KIN: variants seen among roughly 807,000 people sequenced by gnomAD.
The protein encoded by KIN is DNA/RNA-binding protein KIN17.
A neutral mutation model predicts 63.0 loss-of-function variants in KIN; 47 were observed. That is an observed-to-expected ratio of 0.75 (90% CI 0.59 to 0.95). The LOEUF (loss-of-function observed/expected upper bound fraction) is 0.95, where lower values mean the gene tolerates loss of function less well. Among genes scored for constraint, KIN ranks in the 40% least tolerant of loss-of-function variants. KIN has a pLI of 0.00. For synonymous variants in KIN, 160 were observed against 157.7 expected, an observed-to-expected ratio of 1.01 and a Z score of -0.11; for missense variants, 408 against 460.9, an observed-to-expected ratio of 0.89 and a Z score of 1.05.
At chr10:7,766,728 G>A (rs534485034) in intron 8 of KIN, among the ~76,000 whole-genome samples, 177 of 152,114 alleles carry the variant, frequency 1.2e-3, no homozygotes, top group Middle Eastern at 0.01. Flanking sequence ...TGGTTGATTC[G>A]AAACCTAATT....
chr10:7,780,175 G>A lies in KIN; in HGVS notation c.257C>T (p.Thr86Ile). 6.2e-7 allele frequency: 1 copy of A among 1,613,222 alleles called. No homozygotes were observed. The highest frequency in any genetic ancestry group is 8.5e-7 in the Non-Finnish European group (1 of 1,179,584). ...GACAATGTTGTTGTGGACCCTTTTA[G>A]TGCCTGAGAACAAAATATGACACTG... ...FLELLRRRFG[T>I]KRVHNNIVYN... Residue 86 changes from threonine to isoleucine, a missense_variant, in exon 4 of 13, where the codon ACT (threonine) becomes ATT (isoleucine). Around this residue, in one of 2 missense-constraint regions of KIN, gnomAD observed 110 missense variants for 164.9 expected, o/e 0.67. Transcript: ENST00000379562.
chr10:7,757,007 A>G (rs11592018), intron 12 of KIN, among the ~76,000 whole-genome samples: 50,926 of 152,048 alleles, frequency 0.33, 9,530 homozygotes, highest in Non-Finnish European at 0.42. Flanking sequence ...ACTTTCAACA[A>G]TTGATTTAAC....
intron 5 of KIN, among the ~76,000 whole-genome samples, chr10:7,778,542 CG>C (rs1487141692): frequency 2.0e-5 from 3 of 152,108 alleles, no homozygotes; most frequent in African/African-American, 7.2e-5. Context: ...AGTTGGAGAC[CG>C]GCCTGACCAA....
At chr10:7,783,009 A>G in intron 2 of KIN, 72 bp downstream of exon 2, 1 of 656,744 alleles carries the variant, frequency 1.5e-6, no homozygotes, top group East Asian at 3.1e-5. Context: ...TCCAATATTT[A>G]AAATATTAAC....
intron 1 of KIN, among the ~76,000 whole-genome samples, chr10:7,785,251 C>CA (rs200276745): frequency 0.27 from 28,375 of 105,788 alleles, 3,353 homozygotes; most frequent in African/African-American, 0.41. Flanking sequence ...GACCTTGTCT[C>CA]AAAAAAAAAA....
intron 2 of KIN, among the ~76,000 whole-genome samples, chr10:7,781,587 T>TACACACACACACACACACACAC (rs3036327): frequency 4.3e-5 from 6 of 140,718 alleles, no homozygotes; most frequent in African/African-American, 1.6e-4. Context: ...ACCCTGTCTC[T>TACACACACACACACACACACAC]ACACACACAC....
rs751451566 is a variant in KIN, at chr10:7,759,932, G to A, written c.1077C>T (p.Ser359=). 1.3e-6 allele frequency: 2 copies of A among 1,575,142 alleles called. No homozygotes were observed. The highest frequency in any genetic ancestry group is 1.4e-5 in the African/African-American group (1 of 73,112). Residue 359 remains serine, a synonymous_variant, in exon 12 of 13, where the codon TCC becomes TCT. Coordinates refer to ENST00000379562, the MANE Select transcript of KIN (RefSeq NM_012311.4). The stretch of plus-strand genomic sequence containing the variant: ...TAGCTGAAAAAGTCTTCTCATTGAT[G>A]GATTCTAGGGTACCTTCATTTCCTC... ...GYRGNEGTLE[S]INEKTFSATI...
At position 7,787,894 on chromosome 10, in the gene KIN, T is replaced by G; in HGVS notation, c.40A>C (p.Asn14His). 6.2e-7 allele frequency: 1 copy of G among 1,614,220 alleles called. No individual in the cohort carries two copies. The highest frequency in any genetic ancestry group is 2.2e-5 in the East Asian group (1 of 44,884). ...TGCAGCCCCTTGGACTTGATCCTGT[T>G]GGCGATAGCCTTGGGAGTAAGAAAA... ...SDFLTPKAIA[N>H]RIKSKGLQKL... The change falls in exon 1 of 13, where the codon AAC (asparagine) becomes CAC (histidine). Residue 14 changes from asparagine (N) to histidine (H), a missense_variant. By Grantham distance (68) the Asn-to-His change is moderately conservative. Coordinates refer to ENST00000379562, the MANE Select transcript of KIN (RefSeq NM_012311.4).
chr10:7,769,479 CCT>C, intron 7 of KIN, 134 bp from the exon 8 acceptor site: 1 of 836,324 alleles, frequency 1.2e-6, no homozygotes, highest in Non-Finnish European at 1.9e-6. Context: ...CCATGGAGTC[CCT>C]GTCCACATCT....
At chr10:7,761,334 T>C (rs914462908) in intron 11 of KIN, 2 of 152,214 alleles carry the variant, frequency 1.3e-5, no homozygotes, top group Non-Finnish European at 2.9e-5. Flanking sequence ...GAGACTGATG[T>C]TATCACTACA....
intron 5 of KIN, among the ~76,000 whole-genome samples, chr10:7,778,178 A>G (rs115798228): frequency 0.014 from 2,158 of 152,122 alleles, 49 homozygotes; most frequent in African/African-American, 0.049. Flanking sequence ...TTGCTTCTCT[A>G]TGTTTCCACA....
intron 6 of KIN, 45 bp from the exon 7 acceptor site, chr10:7,774,936 C>A: frequency 1.5e-6 from 2 of 1,365,410 alleles, no homozygotes; most frequent in South Asian, 1.2e-5. Flanking sequence ...TCAAGAAAAT[C>A]ATAATAAAAC....
chr10:7,778,775 C>T, intron 5 of KIN, 63 bp downstream of exon 5: 2 of 1,458,564 alleles, frequency 1.4e-6, no homozygotes, highest in Non-Finnish European at 1.9e-6. Flanking sequence ...AAAAGAAAAA[C>T]CAAGCCATTG....
rs74614979 is a variant in KIN at position 7,755,910 on chromosome 10, T to C, written c.*170A>G. The C allele has an allele frequency of 0.028, 13,160 of 467,744 alleles. 1,018 individuals carry two copies. Among genetic ancestry groups the C allele is most frequent in the East Asian group, 0.24 (7,389 of 30,926 alleles). 29.0% of individuals were successfully genotyped at this position (467,744 alleles called of 1,614,324 possible). A position where few individuals can be genotyped will look rare whatever the true frequency, so the allele number is the denominator to read the frequency against. ...ACATAGTTTGATACCTCATGAGACA[T>C]AATTAAATTCTTCTCAAAGTTTAGC... On this transcript the variant is annotated 3_prime_UTR_variant, in exon 13 of 13. Coordinates refer to ENST00000379562, the MANE Select transcript of KIN (RefSeq NM_012311.4).
chr10:7,760,575 C>G (rs1422167814), intron 11 of KIN, among the ~76,000 whole-genome samples: 1 of 152,126 alleles, frequency 6.6e-6, no homozygotes. Flanking sequence ...TTTGGTTACT[C>G]TCAGTCAGCG....
intron 7 of KIN, among the ~76,000 whole-genome samples, chr10:7,771,113 T>C (rs965112565): frequency 5.5e-5 from 8 of 144,508 alleles, no homozygotes; most frequent in African/African-American, 2.1e-4. Flanking sequence ...CTATAAATAA[T>C]GGACATGGGT....
chr10:7,773,466 G>A lies in KIN; in HGVS notation c.668+1365C>T, dbSNP rs73628499. ...AAGGCATGTGTGTTATATTTGAGCC[G>A]ATCTTCCAGGTCATATCATGCCAAT... On this transcript the variant is annotated intron_variant, in intron 7 of 12. Coordinates refer to ENST00000379562, the MANE Select transcript of KIN (RefSeq NM_012311.4). Among the ~76,000 whole-genome samples the A allele has an allele frequency of 5.5e-3, 841 of 152,252 alleles. 9 individuals are homozygous for A. Among genetic ancestry groups the A allele is most frequent in the African/African-American group, 0.019 (790 of 41,540 alleles).
At chr10:7,762,394 G>C in intron 11 of KIN, 63 bp downstream of exon 11, 1 of 910,082 alleles carries the variant, frequency 1.1e-6, no homozygotes, top group South Asian at 1.6e-5. Flanking sequence ...AAATACAGTG[G>C]TTTGAAAATG....
At chr10:7,757,433 G>A (rs1044029985) in intron 12 of KIN, among the ~76,000 whole-genome samples, 3 of 152,128 alleles carry the variant, frequency 2.0e-5, no homozygotes, top group Admixed American at 2.0e-4. Context: ...CGGAGGCAGA[G>A]GTTGCAGTGA....
Sources: gnomAD v4.1 joint callset for allele counts (sites outside exome capture counted in the v4.1 genomes callset) on GRCh38, gnomAD v4.1.1 for gene constraint, gnomAD v4.1.1 regional missense constraint, MANE v1.5 for transcripts, NCBI Gene and HGNC (gene_info 2026-07-23, HGNC 2026-07-21) for gene names.